The following CSMD3 variants were observed in gnomAD, a reference collection of about 807,000 sequenced individuals.
CSMD3 encodes CUB and sushi domain-containing protein 3.
A neutral mutation model predicts 435.2 loss-of-function variants in CSMD3; 177 were observed. That is an observed-to-expected ratio of 0.41 (90% CI 0.36 to 0.46). The LOEUF is 0.46. Ranked by LOEUF, CSMD3 falls within the 20% of genes least tolerant of loss-of-function variation. The pLI is 0.34. For missense variants in CSMD3, 4,265 were observed against 4,504.6 expected (o/e 0.95, Z 1.52); for synonymous variants, 1,656 against 1,520.5 (o/e 1.09, Z -2.07).
intron 10 of CSMD3, among the ~76,000 whole-genome samples, chr8:112,905,694 TG>T (rs2082243226): frequency 6.6e-6 from 1 of 151,448 alleles, no homozygotes; most frequent in Non-Finnish European, 1.5e-5. Context: ...ATCCGATACT[TG>T]GTCCTATCCC....
At chr8:113,105,884 A>T (rs1375463421) in intron 4 of CSMD3, among the ~76,000 whole-genome samples, 1 of 19,194 alleles carries the variant, frequency 5.2e-5, no homozygotes, top group Non-Finnish European at 7.1e-5. Context: ...TATACAGTTA[A>T]AAAAAAAAGT....
intron 53 of CSMD3, among the ~76,000 whole-genome samples, chr8:112,300,558 C>T (rs928916093): frequency 1.3e-5 from 2 of 151,960 alleles, no homozygotes; most frequent in South Asian, 2.1e-4. Flanking sequence ...ATCATGACTC[C>T]TATCCTCACC....
At chr8:112,305,879 T>A (rs1208258842) in intron 51 of CSMD3, 128 bp downstream of exon 51, 2 of 815,680 alleles carry the variant, frequency 2.5e-6, no homozygotes, top group Admixed American at 3.7e-5. Flanking sequence ...TTACTTAACT[T>A]TTATTTCTGA....
At chr8:112,464,571 A>G (rs559991716) in intron 32 of CSMD3, among the ~76,000 whole-genome samples, 3 of 152,312 alleles carry the variant, frequency 2.0e-5, no homozygotes, top group East Asian at 1.9e-4. Flanking sequence ...AAATGAAAAC[A>G]ACAATAAACT....
intron 22 of CSMD3, among the ~76,000 whole-genome samples, chr8:112,620,178 T>C (rs1232175690): frequency 1.3e-5 from 2 of 152,070 alleles, no homozygotes; most frequent in African/African-American, 4.8e-5. Context: ...AAAAAAATAC[T>C]AAAGAATTAG....
chr8:112,445,680 T>C (rs1286230539), intron 32 of CSMD3, among the ~76,000 whole-genome samples: 1 of 152,154 alleles, frequency 6.6e-6, no homozygotes, highest in Non-Finnish European at 1.5e-5. Flanking sequence ...AACATGAGAT[T>C]TGAAGGGGAC....
chr8:113,331,705 A>G (rs1214797466), intron 1 of CSMD3, among the ~76,000 whole-genome samples: 1 of 151,800 alleles, frequency 6.6e-6, no homozygotes, highest in African/African-American at 2.4e-5. Flanking sequence ...TAGAAAAAGA[A>G]TATATATTTT....
At chr8:113,377,050 G>A in intron 1 of CSMD3, 1 of 1,305,718 alleles carries the variant, frequency 7.7e-7, no homozygotes, top group Non-Finnish European at 9.9e-7. Context: ...GGAGCGGAGC[G>A]GGGCGCGGGG....
chr8:113,351,420 C>T (rs907932985), intron 1 of CSMD3, among the ~76,000 whole-genome samples: 7 of 151,802 alleles, frequency 4.6e-5, no homozygotes, highest in African/African-American at 1.5e-4. Flanking sequence ...ATAGATAATT[C>T]TAAACTGTTA....
intron 32 of CSMD3, among the ~76,000 whole-genome samples, chr8:112,469,425 T>C (rs184946912): frequency 1.3e-5 from 2 of 152,282 alleles, no homozygotes; most frequent in African/African-American, 4.8e-5. Context: ...AACCCCTATG[T>C]AAAATGCAAT....
At chr8:113,420,797 A>G (rs1457390628) in intron 1 of CSMD3, among the ~76,000 whole-genome samples, 2 of 152,008 alleles carry the variant, frequency 1.3e-5, no homozygotes, top group Non-Finnish European at 2.9e-5. Context: ...AAAAATAAAA[A>G]AATTAGCAGG....
At chr8:112,341,363 GT>G (rs79227508) in intron 42 of CSMD3, 113 bp downstream of exon 42, 7,387 of 665,296 alleles carry the variant, frequency 0.011, 28 homozygotes, top group African/African-American at 0.044. Flanking sequence ...CTTGGCTTAA[GT>G]TTTTTTTTTT....
chr8:112,749,125 C>T (rs1039556780), intron 13 of CSMD3, among the ~76,000 whole-genome samples: 1 of 151,816 alleles, frequency 6.6e-6, no homozygotes, highest in African/African-American at 2.4e-5. Flanking sequence ...GTGTATCGGC[C>T]GTATGTATGT....
intron 3 of CSMD3, among the ~76,000 whole-genome samples, chr8:113,200,177 T>G (rs2092702176): frequency 6.6e-6 from 1 of 151,844 alleles, no homozygotes; most frequent in Non-Finnish European, 1.5e-5. Context: ...GGAATTGTCC[T>G]TATTTCTGTG....
chr8:112,410,417 A>G (rs999679812), intron 32 of CSMD3, among the ~76,000 whole-genome samples: 27 of 149,514 alleles, frequency 1.8e-4, no homozygotes, highest in Middle Eastern at 7.0e-3. Flanking sequence ...CAAGTCATAC[A>G]AACATTTTGA....
intron 9 of CSMD3, among the ~76,000 whole-genome samples, chr8:112,935,468 A>T (rs2083252356): frequency 6.6e-6 from 1 of 152,040 alleles, no homozygotes; most frequent in Admixed American, 6.6e-5. Flanking sequence ...TTGTTTGAGA[A>T]TGCACTGAAT....
rs965590603 is a variant in CSMD3 at position 112,943,607 on chromosome 8, A to C, written c.1508+4183T>G. Among the ~76,000 whole-genome samples, 3 of 151,786 alleles carry C rather than the reference A, an allele frequency of 2.0e-5. No individual in the cohort carries two copies. The Admixed American group carries it at 2.0e-4, about 10-fold the overall frequency. On this transcript the variant is annotated intron_variant, in intron 9 of 70. Transcript: ENST00000297405. ...GTCCTGACTAAAAGTACATTACTTC[A>C]TAACAATTTGATTTATCTTTTGTCG... is the stretch of plus-strand genomic sequence containing the variant.
chr8:112,885,667 G>T lies in CSMD3; in HGVS notation c.1634-26401C>A, dbSNP rs543361509. On this transcript the variant is annotated intron_variant, in intron 10 of 70. Coordinates refer to ENST00000297405, the MANE Select transcript of CSMD3 (RefSeq NM_198123.2). ...ACCACAATTAATGACAATGATGCTG[G>T]GTTTTTGCTTGTTTGTTTGTTTACT... Among the ~76,000 whole-genome samples, 14 of 151,714 alleles carry T rather than the reference G, an allele frequency of 9.2e-5. 1 individual carries two copies. In the South Asian group the frequency reaches 2.9e-3, roughly 31 times the overall value.
chr8:112,564,378 C>T (rs1170036128), intron 24 of CSMD3, among the ~76,000 whole-genome samples: 21 of 150,694 alleles, frequency 1.4e-4, no homozygotes, highest in Admixed American at 1.3e-3. Flanking sequence ...CCCTTCCCCT[C>T]CCCTTCCCTC....
Sources: gnomAD v4.1 joint callset for allele counts (sites outside exome capture counted in the v4.1 genomes callset) on GRCh38, gnomAD v4.1.1 for gene constraint, MANE v1.5 for transcripts, NCBI Gene and HGNC (gene_info 2026-07-23, HGNC 2026-07-21) for gene names.